Variants in TNFRSF11B observed in about 807,000 individuals in gnomAD.
The protein encoded by TNFRSF11B is TNF receptor superfamily member 11b.
A neutral mutation model predicts 43.4 loss-of-function variants in TNFRSF11B; 16 were observed. That is an observed-to-expected ratio of 0.37 (90% CI 0.25 to 0.56). The LOEUF is 0.56. Among genes scored for constraint, TNFRSF11B ranks in the 20% least tolerant of loss-of-function variants. The pLI is 0.80. For synonymous variants in TNFRSF11B, 185 were observed against 181.8 expected (o/e 1.02, Z -0.14); for missense variants, 444 against 490.1 (o/e 0.91, Z 0.89).
intron 2 of TNFRSF11B, among the ~76,000 whole-genome samples, chr8:118,929,759 ACATTC>A (rs1812300567): frequency 6.6e-6 from 1 of 152,256 alleles, no homozygotes; most frequent in South Asian, 2.1e-4. Context: ...GCTAGATCAT[ACATTC>A]CAGTGTATCT....
At chr8:118,936,943 G>A (rs573296010) in intron 1 of TNFRSF11B, among the ~76,000 whole-genome samples, 1 of 152,214 alleles carries the variant, frequency 6.6e-6, no homozygotes, top group African/African-American at 2.4e-5. Context: ...CTATCATTTT[G>A]TATAGACCAC....
intron 1 of TNFRSF11B, among the ~76,000 whole-genome samples, chr8:118,946,548 C>T (rs1468233232): frequency 2.0e-5 from 3 of 152,076 alleles, no homozygotes; most frequent in Non-Finnish European, 4.4e-5. Flanking sequence ...CTAGGATTTC[C>T]GATTCACTAG....
intron 1 of TNFRSF11B, among the ~76,000 whole-genome samples, chr8:118,942,701 T>C (rs1319395041): frequency 6.6e-6 from 1 of 152,112 alleles, no homozygotes; most frequent in African/African-American, 2.4e-5. Flanking sequence ...ATTTTACATA[T>C]AAAGAAACCG....
intron 1 of TNFRSF11B, among the ~76,000 whole-genome samples, chr8:118,937,694 A>G (rs1355519540): frequency 2.0e-5 from 3 of 152,244 alleles, no homozygotes; most frequent in Admixed American, 2.0e-4. Flanking sequence ...AAACACAGAA[A>G]AAACAACCTA....
intron 1 of TNFRSF11B, among the ~76,000 whole-genome samples, chr8:118,948,717 G>T (rs1177725868): frequency 6.6e-6 from 1 of 151,634 alleles, no homozygotes; most frequent in East Asian, 1.9e-4. Context: ...TGGATTGAGG[G>T]TATGTCAGAT....
At chr8:118,930,061 G>C (rs1167716415) in intron 2 of TNFRSF11B, among the ~76,000 whole-genome samples, 1 of 152,042 alleles carries the variant, frequency 6.6e-6, no homozygotes, top group African/African-American at 2.4e-5. Context: ...AATGACAAAG[G>C]GCTGGCAGAA....
chr8:118,928,671 G>A (rs1812280297), intron 3 of TNFRSF11B, 67 bp downstream of exon 3: 3 of 1,540,932 alleles, frequency 1.9e-6, no homozygotes, highest in Non-Finnish European at 2.7e-6. Context: ...TGGAGGCCTT[G>A]TGTTCAACTC....
At chr8:118,941,176 T>G (rs936282122) in intron 1 of TNFRSF11B, among the ~76,000 whole-genome samples, 1 of 152,196 alleles carries the variant, frequency 6.6e-6, no homozygotes, top group Non-Finnish European at 1.5e-5. Flanking sequence ...TTGTATGTAC[T>G]GTTCCATTTG....
chr8:118,945,148 T>C (rs1812538079), intron 1 of TNFRSF11B, among the ~76,000 whole-genome samples: 1 of 152,142 alleles, frequency 6.6e-6, no homozygotes, highest in African/African-American at 2.4e-5. Context: ...TTCTTATACA[T>C]GAACCAATGG....
At chr8:118,945,808 C>T (rs1373521863) in intron 1 of TNFRSF11B, among the ~76,000 whole-genome samples, 1 of 152,086 alleles carries the variant, frequency 6.6e-6, no homozygotes, top group African/African-American at 2.4e-5. Context: ...AAGGCAGCCA[C>T]AAAGCTTAGA....
intron 3 of TNFRSF11B, among the ~76,000 whole-genome samples, chr8:118,927,621 T>A (rs1169089017): frequency 6.8e-6 from 1 of 147,522 alleles, no homozygotes; most frequent in East Asian, 2.0e-4. Flanking sequence ...AATTACACAA[T>A]GAAACAATGC....
intron 1 of TNFRSF11B, among the ~76,000 whole-genome samples, chr8:118,934,974 C>T (rs1296884571): frequency 6.6e-6 from 1 of 152,090 alleles, no homozygotes; most frequent in African/African-American, 2.4e-5. Context: ...GCTGATTTGA[C>T]CTAATATGAG....
chr8:118,937,431 C>G (rs1371772307), intron 1 of TNFRSF11B, among the ~76,000 whole-genome samples: 1 of 152,162 alleles, frequency 6.6e-6, no homozygotes, highest in Admixed American at 6.5e-5. Context: ...GTAAAATCAC[C>G]TGATGTCCCA....
intron 1 of TNFRSF11B, among the ~76,000 whole-genome samples, chr8:118,941,806 A>G (rs1421010667): frequency 6.6e-6 from 1 of 152,238 alleles, no homozygotes; most frequent in African/African-American, 2.4e-5. Context: ...TGAAGAAGAT[A>G]TACGGAAATT....
chr8:118,951,877 T>G lies in TNFRSF11B; in HGVS notation c.-56A>C. 6.6e-7 allele frequency: 1 copy of G among 1,504,058 alleles called. No individual in the cohort carries two copies. The highest frequency in any genetic ancestry group is 9.1e-7 in the Non-Finnish European group (1 of 1,101,598). 93.2% of individuals were successfully genotyped at this position (1,504,058 alleles called of 1,614,324 possible). ...GGCGGCGGCTGGGCGAGCGCTCCGG[T>G]GCGTCTCCGCAGCCCGTGCGCTCAT... On this transcript the variant is annotated 5_prime_UTR_variant, in exon 1 of 5. Coordinates refer to ENST00000297350, the MANE Select transcript of TNFRSF11B (RefSeq NM_002546.4).
At chr8:118,948,869 T>C (rs901251069) in intron 1 of TNFRSF11B, among the ~76,000 whole-genome samples, 1 of 152,000 alleles carries the variant, frequency 6.6e-6, no homozygotes, top group African/African-American at 2.4e-5. Context: ...CCCAAAGGCA[T>C]TATTCTACAG....
At chr8:118,924,894 A>G in intron 4 of TNFRSF11B, 132 bp from the exon 5 acceptor site, 1 of 1,143,758 alleles carries the variant, frequency 8.7e-7, no homozygotes, top group Non-Finnish European at 1.3e-6. Flanking sequence ...TTTTCTTTTG[A>G]GAGGGAGTTA....
At chr8:118,934,977 A>C (rs1229378680) in intron 1 of TNFRSF11B, among the ~76,000 whole-genome samples, 1 of 152,240 alleles carries the variant, frequency 6.6e-6, no homozygotes, top group Non-Finnish European at 1.5e-5. Flanking sequence ...GATTTGACCT[A>C]ATATGAGTTG....
chr8:118,941,607 G>T (rs1812486743), intron 1 of TNFRSF11B, among the ~76,000 whole-genome samples: 1 of 152,018 alleles, frequency 6.6e-6, no homozygotes, highest in Non-Finnish European at 1.5e-5. Context: ...GCAATATCTT[G>T]TTTGTGTTTG....
Sources: gnomAD v4.1 joint callset for allele counts (sites outside exome capture counted in the v4.1 genomes callset) on GRCh38, gnomAD v4.1.1 for gene constraint, MANE v1.5 for transcripts, NCBI Gene and HGNC (gene_info 2026-07-23, HGNC 2026-07-21) for gene names.